Variants in GALNT15 observed in about 807,000 individuals in gnomAD.
GALNT15 encodes the protein UDP-GalNAc transferase T15.
Under a neutral mutation model 66.8 loss-of-function variants are expected in GALNT15, and 67 were observed. The ratio of observed to expected loss-of-function variants is 1.00; its 90% CI spans 0.82 to 1.23. The LOEUF (loss-of-function observed/expected upper bound fraction) is 1.23, where lower values mean the gene tolerates loss of function less well. Among genes scored for constraint, GALNT15 ranks in the 50% most tolerant of loss-of-function variants. GALNT15 has a pLI of 0.00. For synonymous variants in GALNT15, 313 were observed against 311.5 expected (o/e 1.00, Z -0.05); for missense variants, 827 against 804.3 (o/e 1.03, Z -0.34).
At chr3:16,210,696 G>A (rs1404832011) in intron 4 of GALNT15, among the ~76,000 whole-genome samples, 1 of 152,176 alleles carries the variant, frequency 6.6e-6, no homozygotes, top group Non-Finnish European at 1.5e-5. Flanking sequence ...ATGGTCATTA[G>A]GAAAACAGAA....
In GALNT15 at chr3:16,191,289, A is replaced by T. The variant is rs567620748; in HGVS notation, c.540-4471A>T. On this transcript the variant is annotated intron_variant, in intron 1 of 9. Transcript: ENST00000339732. The surrounding 1 kb of genome is among the most constrained non-coding windows in gnomAD (Gnocchi z 5.2). Reference sequence around the variant, plus strand: ...GGAGCCCCCAAAGAATCAAGAACACACACTTTCAAGGCTGGAAGAGCCTGA... The same window carrying T: ...GGAGCCCCCAAAGAATCAAGAACACTCACTTTCAAGGCTGGAAGAGCCTGA... 49 of 982,720 alleles carry T rather than the reference A, an allele frequency of 5.0e-5. 2 individuals are homozygous for T. In the South Asian group the frequency reaches 1.9e-3, roughly 39 times the overall value. The allele number at this position is 982,720 out of a possible 1,614,324, so 60.9% of individuals were successfully genotyped here.
chr3:16,247,559 C>A, the GALNT15 span, among the ~76,000 whole-genome samples: 1 of 152,232 alleles, frequency 6.6e-6, no homozygotes, highest in Non-Finnish European at 1.5e-5. Context: ...CACCCTTCAA[C>A]GGGGCTTGTG....
chr3:16,206,490 C>T (rs569933083), intron 3 of GALNT15, among the ~76,000 whole-genome samples: 1 of 151,320 alleles, frequency 6.6e-6, no homozygotes, highest in African/African-American at 2.4e-5. Context: ...CTGGCTAACA[C>T]GGTGAAAACC....
At chr3:16,196,817 C>G (rs1005634638) in intron 2 of GALNT15, among the ~76,000 whole-genome samples, 5 of 152,222 alleles carry the variant, frequency 3.3e-5, no homozygotes, top group Non-Finnish European at 7.3e-5. Context: ...CCTAGGGACA[C>G]CCCTCCTGGC....
intron 1 of GALNT15, among the ~76,000 whole-genome samples, chr3:16,185,017 T>A (rs975559997): frequency 1.3e-5 from 2 of 152,106 alleles, no homozygotes; most frequent in African/African-American, 4.8e-5. Context: ...CCATTAGAAG[T>A]TGGGCCGTCC....
chr3:16,227,720 T>G lies in GALNT15; in HGVS notation c.*220T>G. 1 of 1,382,522 alleles carries G rather than the reference T, an allele frequency of 7.2e-7. No individual in the cohort carries two copies. The highest frequency in any genetic ancestry group is 9.3e-7 in the Non-Finnish European group (1 of 1,073,366). 85.6% of individuals were successfully genotyped at this position (1,382,522 alleles called of 1,614,324 possible). A position where few individuals can be genotyped will look rare whatever the true frequency, so the allele number is the denominator to read the frequency against. ...AAAAAAAAAAAAAAAGGATCCATTG[T>G]ACCGTTGTCTTCATCACTGGGAAAT... On this transcript the variant is annotated 3_prime_UTR_variant, in exon 10 of 10. Transcript: ENST00000339732. This position sits in a 1 kb window ranked among gnomAD's most constrained non-coding sequence, Gnocchi z 4.5.
In GALNT15 at chr3:16,187,032, G is replaced by A. The variant is rs2063524293; in HGVS notation, c.540-8728G>A. On this transcript the variant is annotated intron_variant, in intron 1 of 9. Transcript: ENST00000339732. The surrounding 1 kb of genome is among the most constrained non-coding windows in gnomAD (Gnocchi z 5.1). The stretch of plus-strand genomic sequence containing the variant: ...TGTAATCCCAGCACTTTGGGAGGCC[G>A]AGGCGGGTGGATCATGAGGTCAGGA... Among the ~76,000 whole-genome samples the A allele has an allele frequency of 6.6e-6, 1 of 152,234 alleles. No individual in the cohort carries two copies. The highest frequency in any genetic ancestry group is 2.4e-5 in the African/African-American group (1 of 41,544).
intron 2 of GALNT15, among the ~76,000 whole-genome samples, chr3:16,198,847 G>T (rs532465967): frequency 7.1e-6 from 1 of 141,702 alleles, no homozygotes; most frequent in South Asian, 2.2e-4. Context: ...TCTCGGGTGG[G>T]GCTGCCTTAA....
chr3:16,216,200 AGAAAGAATTCAACTGAGG>A (rs1320890036), intron 6 of GALNT15, among the ~76,000 whole-genome samples: 1 of 152,192 alleles, frequency 6.6e-6, no homozygotes, highest in Non-Finnish European at 1.5e-5. Context: ...CCTTCTCAGA[AGAAAGAATTCAACTGAGG>A]GGCATAAGGC....
In GALNT15 at chr3:16,222,740, G is replaced by A. The variant is rs1377268927; in HGVS notation, c.1755G>A (p.Gln585=). Residue 585 remains glutamine, a synonymous_variant, in exon 9 of 10, where the codon CAG becomes CAA. Coordinates refer to ENST00000339732, the MANE Select transcript of GALNT15 (RefSeq NM_054110.5). ...AGGAAGGCCTGGCCATCCACCAGCA[G>A]CACTGGGACTTCCAGGAGGTGAGTA... ...CTEEGLAIHQ[Q]HWDFQENGMI... 1 of 1,614,046 alleles carries A rather than the reference G, an allele frequency of 6.2e-7. No homozygotes were observed. The highest frequency in any genetic ancestry group is 1.3e-5 in the African/African-American group (1 of 74,948).
At position 16,227,637 on chromosome 3, in the gene GALNT15, A is replaced by G; in HGVS notation, c.*137A>G. On this transcript the variant is annotated 3_prime_UTR_variant, in exon 10 of 10. Coordinates refer to ENST00000339732, the MANE Select transcript of GALNT15 (RefSeq NM_054110.5). This position sits in a 1 kb window ranked among gnomAD's most constrained non-coding sequence, Gnocchi z 4.5. The stretch of plus-strand genomic sequence containing the variant: ...TGTTAGGAGAGAAAAAAGCTCTATG[A>G]AAGAATATAGGAAGTTTCTCCTTTT... 1.3e-6 allele frequency: 2 copies of G among 1,508,116 alleles called. No individual in the cohort carries two copies. Among genetic ancestry groups the G allele is most frequent in the Non-Finnish European group, 1.8e-6 (2 of 1,138,954 alleles). 93.4% of individuals were successfully genotyped at this position (1,508,116 alleles called of 1,614,324 possible). A position where few individuals can be genotyped will look rare whatever the true frequency, so the allele number is the denominator to read the frequency against.
rs546562391 is a variant in GALNT15, at chr3:16,175,638, C to G, written c.487C>G (p.Leu163Val). Reference protein sequence around the residue: ...SLDPRGLQEALSARIPLQRAL... With the variant: ...SLDPRGLQEAVSARIPLQRAL... ...GGACCCACGTGGCCTCCAGGAGGCA[C>G]TCAGTGCCCGCATCCCCCTCCAGAG... Residue 163 changes from leucine (L) to valine (V), a missense_variant, in exon 1 of 10, where the codon CTC (leucine) becomes GTC (valine). Physicochemically the swap from Leu to Val is conservative, Grantham distance 32. Coordinates refer to ENST00000339732, the MANE Select transcript of GALNT15 (RefSeq NM_054110.5). The surrounding 1 kb of genome is among the most constrained non-coding windows in gnomAD (Gnocchi z 5.6). 1.3e-5 allele frequency: 21 copies of G among 1,612,306 alleles called. No individual in the cohort carries two copies. Among genetic ancestry groups the G allele is most frequent in the Non-Finnish European group, 1.8e-5 (21 of 1,179,638 alleles).
chr3:16,218,810 CTTTTTTTTT>C (rs10538222), intron 6 of GALNT15, among the ~76,000 whole-genome samples: 4 of 92,920 alleles, frequency 4.3e-5, no homozygotes, highest in African/African-American at 1.8e-4. Context: ...CTCTCTCTCT[CTTTTTTTTT>C]TTTTTTTTTT....
chr3:16,188,308 G>T lies in GALNT15; in HGVS notation c.540-7452G>T, dbSNP rs2124849180. Among the ~76,000 whole-genome samples the T allele has an allele frequency of 6.6e-6, 1 of 152,354 alleles. No homozygotes were observed. Among genetic ancestry groups the T allele is most frequent in the Middle Eastern group, 3.4e-3 (1 of 294 alleles). The stretch of plus-strand genomic sequence containing the variant: ...CAGTTGGCACAAAATGGCAGCCATA[G>T]GTCGTGTCCCATCACAGACATGTTT... On this transcript the variant is annotated intron_variant, in intron 1 of 9. Transcript: ENST00000339732. The surrounding 1 kb of genome is among the most constrained non-coding windows in gnomAD (Gnocchi z 4.6).
At chr3:16,177,837 A>G (rs1280391860) in intron 1 of GALNT15, among the ~76,000 whole-genome samples, 1 of 152,216 alleles carries the variant, frequency 6.6e-6, no homozygotes, top group South Asian at 2.1e-4. Flanking sequence ...TGAATGGGAT[A>G]TGCATATATG....
At chr3:16,237,302 A>T in the GALNT15 span, among the ~76,000 whole-genome samples, 1 of 152,030 alleles carries the variant, frequency 6.6e-6, no homozygotes, top group Admixed American at 6.6e-5. This position sits in a 1 kb window ranked among gnomAD's most constrained non-coding sequence, Gnocchi z 4.2. Flanking sequence ...AGCTCATAAA[A>T]CCTGTTTAAC....
downstream of GALNT15, among the ~76,000 whole-genome samples, chr3:16,235,122 A>G (rs1287407336): frequency 6.6e-6 from 1 of 152,024 alleles, no homozygotes; most frequent in Non-Finnish European, 1.5e-5. Flanking sequence ...ACAGGGTTTC[A>G]ACATTTTAGC....
chr3:16,239,883 T>G, the GALNT15 span, among the ~76,000 whole-genome samples: 1 of 152,220 alleles, frequency 6.6e-6, no homozygotes, highest in Non-Finnish European at 1.5e-5. This position sits in a 1 kb window ranked among gnomAD's most constrained non-coding sequence, Gnocchi z 5.2. Flanking sequence ...GAATCTTGCT[T>G]AAAACAATAG....
rs2063457304 is a variant in GALNT15 at position 16,180,436 on chromosome 3, C to A, written c.539+4746C>A. On this transcript the variant is annotated intron_variant, in intron 1 of 9. Transcript: ENST00000339732. The surrounding 1 kb of genome is among the most constrained non-coding windows in gnomAD (Gnocchi z 5.0). ...AGGTGGCACCAGCACTGTTGGCCCA[C>A]AGAGCACATTTTTCAACAGTGAGGA... 6.6e-6 allele frequency among the ~76,000 whole-genome samples: 1 copy of A among 152,214 alleles called. No homozygotes were observed. Among genetic ancestry groups the A allele is most frequent in the African/African-American group, 2.4e-5 (1 of 41,450 alleles).
Sources: allele counts gnomAD v4.1 joint callset (sites outside exome capture counted in the v4.1 genomes callset), GRCh38; gene constraint gnomAD v4.1.1; non-coding constraint Gnocchi (gnomAD v3.1); transcripts MANE v1.5; gene names NCBI Gene and HGNC (gene_info 2026-07-23, HGNC 2026-07-21).